The following EMCN variants were observed in gnomAD, a reference collection of about 807,000 sequenced individuals.
EMCN encodes endomucin, also known as MUC-14.
A neutral mutation model predicts 38.4 loss-of-function variants in EMCN; 37 were observed. The ratio of observed to expected loss-of-function variants is 0.96; its 90% CI spans 0.74 to 1.27. EMCN has a LOEUF of 1.27. Ranked by LOEUF, EMCN falls within the 50% of genes most tolerant of loss-of-function variation. The pLI is 0.00. For synonymous variants in EMCN, 95 were observed against 100.8 expected (o/e 0.94, Z 0.35); for missense variants, 318 against 302.8 (o/e 1.05, Z -0.37).
chr4:100,476,295 T>C (rs1414052594), intron 2 of EMCN, among the ~76,000 whole-genome samples: 1 of 150,528 alleles, frequency 6.6e-6, no homozygotes, highest in Admixed American at 6.6e-5. Context: ...TCTTCTCTCC[T>C]TCTTGCTTGA....
chr4:100,513,925 A>C (rs1729690693), intron 1 of EMCN, among the ~76,000 whole-genome samples: 1 of 152,146 alleles, frequency 6.6e-6, no homozygotes, highest in Non-Finnish European at 1.5e-5. Flanking sequence ...GGCACTTATA[A>C]TCTTGTAGAG....
chr4:100,415,353 CA>C (rs1413046577), intron 10 of EMCN, among the ~76,000 whole-genome samples: 3 of 152,136 alleles, frequency 2.0e-5, no homozygotes, highest in African/African-American at 7.2e-5. Flanking sequence ...TGACACAAAT[CA>C]TACCTATATT....
intron 10 of EMCN, among the ~76,000 whole-genome samples, chr4:100,411,189 T>C (rs942026622): frequency 6.6e-6 from 1 of 152,170 alleles, no homozygotes; most frequent in African/African-American, 2.4e-5. Flanking sequence ...CAGAGACCTC[T>C]GAGGAGAACA....
chr4:100,491,540 A>G (rs989544718), intron 1 of EMCN, among the ~76,000 whole-genome samples: 6 of 152,194 alleles, frequency 3.9e-5, no homozygotes, highest in Admixed American at 2.6e-4. Flanking sequence ...TCAACCGTGC[A>G]ATTCTACAGA....
chr4:100,454,220 G>A (rs888058187), intron 4 of EMCN, among the ~76,000 whole-genome samples: 2 of 138,686 alleles, frequency 1.4e-5, no homozygotes, highest in Non-Finnish European at 3.0e-5. Flanking sequence ...TGAGTATGTC[G>A]TGTTTTCAAG....
intron 3 of EMCN, among the ~76,000 whole-genome samples, chr4:100,470,165 G>A (rs1255024913): frequency 6.6e-6 from 1 of 151,698 alleles, no homozygotes; most frequent in Admixed American, 6.6e-5. Flanking sequence ...CTAATATTCC[G>A]CATCTATAAG....
intron 1 of EMCN, among the ~76,000 whole-genome samples, chr4:100,514,265 C>A (rs1729699674): frequency 1.3e-5 from 2 of 152,028 alleles, no homozygotes; most frequent in South Asian, 4.1e-4. Context: ...TTCCTAATCT[C>A]TGCTCCCAAG....
At position 100,396,996 on chromosome 4, in the gene EMCN, A is replaced by T. The variant is rs1268237297; in HGVS notation, c.*1417T>A. On this transcript the variant is annotated 3_prime_UTR_variant, in exon 12 of 12. Coordinates refer to ENST00000296420, the MANE Select transcript of EMCN (RefSeq NM_016242.4). The stretch of plus-strand genomic sequence containing the variant: ...TCAAAGAGACACCAGTCAGAAATAT[A>T]GATATGCTTATGCTTGCTTGGTGTC... The T allele has an allele frequency of 6.6e-6, 1 of 151,246 alleles. No homozygotes were observed. The highest frequency in any genetic ancestry group is 2.4e-5 in the African/African-American group (1 of 41,044). The allele number at this position is 151,246 out of a possible 1,614,324, so 9.4% of individuals were successfully genotyped here. A position where few individuals can be genotyped will look rare whatever the true frequency, so the allele number is the denominator to read the frequency against.
At chr4:100,487,209 C>T (rs143072893) in intron 1 of EMCN, among the ~76,000 whole-genome samples, 32 of 152,252 alleles carry the variant, frequency 2.1e-4, no homozygotes, top group African/African-American at 7.2e-4. Context: ...AACTACCTTC[C>T]AACGAAGTAA....
At chr4:100,447,660 T>C in intron 4 of EMCN, 89 bp from the exon 5 acceptor site, 1 of 755,468 alleles carries the variant, frequency 1.3e-6, no homozygotes, top group South Asian at 1.7e-5. Flanking sequence ...GGTAAATGAG[T>C]ATGAATTTTA....
intron 11 of EMCN, among the ~76,000 whole-genome samples, chr4:100,407,851 C>G (rs1312132081): frequency 6.6e-6 from 1 of 152,140 alleles, no homozygotes; most frequent in Non-Finnish European, 1.5e-5. Flanking sequence ...CCCTGTCTTT[C>G]AGGGATGCCA....
chr4:100,451,283 T>G (rs1727831935), intron 4 of EMCN, among the ~76,000 whole-genome samples: 1 of 151,774 alleles, frequency 6.6e-6, no homozygotes, highest in Non-Finnish European at 1.5e-5. Flanking sequence ...ATGATATACA[T>G]CTCTAGCAAC....
chr4:100,491,216 A>C (rs988288954), intron 1 of EMCN, among the ~76,000 whole-genome samples: 1 of 152,140 alleles, frequency 6.6e-6, no homozygotes, highest in Non-Finnish European at 1.5e-5. Context: ...ATCAAATATA[A>C]AACAAACTTT....
chr4:100,446,303 A>T, intron 5 of EMCN: 1 of 517,532 alleles, frequency 1.9e-6, no homozygotes, highest in Non-Finnish European at 2.5e-6. Flanking sequence ...AAAAATGGTG[A>T]TTAGTGGAGT....
At chr4:100,441,045 GC>G (rs1727501345) in intron 5 of EMCN, among the ~76,000 whole-genome samples, 1 of 151,754 alleles carries the variant, frequency 6.6e-6, no homozygotes. Flanking sequence ...CTGCGATTGT[GC>G]CACTGCACTC....
chr4:100,515,538 C>CA (rs1729732266), intron 1 of EMCN, among the ~76,000 whole-genome samples: 2 of 151,894 alleles, frequency 1.3e-5, no homozygotes, highest in African/African-American at 4.8e-5. Context: ...CTGAGACTGA[C>CA]AAAAACATCA....
chr4:100,493,283 A>G (rs1354230541), intron 1 of EMCN, among the ~76,000 whole-genome samples: 7 of 152,186 alleles, frequency 4.6e-5, no homozygotes, highest in African/African-American at 1.7e-4. Context: ...GAATTTATAA[A>G]TTATACTTAT....
chr4:100,446,837 C>G (rs748458695), intron 5 of EMCN, among the ~76,000 whole-genome samples: 2 of 152,074 alleles, frequency 1.3e-5, no homozygotes, highest in African/African-American at 4.8e-5. Context: ...TGAGAACATG[C>G]GGAATTTGGT....
intron 1 of EMCN, among the ~76,000 whole-genome samples, chr4:100,496,511 T>C (rs1172219003): frequency 1.3e-5 from 2 of 152,202 alleles, no homozygotes; most frequent in East Asian, 3.8e-4. Context: ...TTCTTAAAAT[T>C]ACTTCCCTTT....
Sources: gnomAD v4.1 joint callset for allele counts (sites outside exome capture counted in the v4.1 genomes callset) on GRCh38, gnomAD v4.1.1 for gene constraint, MANE v1.5 for transcripts, NCBI Gene and HGNC (gene_info 2026-07-23, HGNC 2026-07-21) for gene names.